The following MEF2C variants were observed in gnomAD, a reference collection of about 807,000 sequenced individuals.
MEF2C encodes myocyte enhancer factor 2C.
MEF2C carries 6 observed loss-of-function variants against 50.5 expected under a neutral mutation model. The ratio of observed to expected loss-of-function variants is 0.12; its 90% CI spans 0.07 to 0.23. The LOEUF (loss-of-function observed/expected upper bound fraction) is 0.23, where lower values mean the gene tolerates loss of function less well. MEF2C is among the 10% of genes least tolerant of loss of function. The pLI, the probability that MEF2C is intolerant of heterozygous loss-of-function variation, is 1.00. For missense variants in MEF2C, 276 were observed against 605.0 expected, an observed-to-expected ratio of 0.46 and a Z score of 5.70; for synonymous variants, 183 against 228.0, an observed-to-expected ratio of 0.80 and a Z score of 1.78.
rs1822718410 is a variant in MEF2C at position 88,854,889 on chromosome 5, A to G, written c.-143+28066T>C. 2.0e-5 allele frequency among the ~76,000 whole-genome samples: 3 copies of G among 152,198 alleles called. No homozygotes were observed. In the South Asian group the frequency reaches 6.2e-4, roughly 32 times the overall value. On this transcript the variant is annotated intron_variant, in intron 1 of 10. Transcript: ENST00000504921. ...GAAAAAAGGACTGCAATGAATCACA[A>G]CTACCTCAGTAGAGCCTTTAGGGTC...
intron 6 of MEF2C, chr5:88,740,451 T>A (rs911029339): frequency 1.0e-6 from 1 of 985,152 alleles, no homozygotes. Flanking sequence ...CTAACTGTCA[T>A]GCGGATTTAG....
chr5:88,879,050 T>C (rs1293183765), intron 1 of MEF2C, among the ~76,000 whole-genome samples: 1 of 152,064 alleles, frequency 6.6e-6, no homozygotes. Flanking sequence ...ACTAAAATTT[T>C]CTATCTTATT....
intron 8 of MEF2C, chr5:88,729,623 T>A (rs1247154369): frequency 2.6e-6 from 1 of 390,244 alleles, no homozygotes; most frequent in Non-Finnish European, 4.8e-6. Flanking sequence ...CAGACTATGT[T>A]GAAAACTGAT....
chr5:88,775,397 A>C (rs1338326359), intron 3 of MEF2C, among the ~76,000 whole-genome samples: 2 of 152,224 alleles, frequency 1.3e-5, no homozygotes, highest in African/African-American at 4.8e-5. Context: ...ATACAATCTG[A>C]AAATTCCTAA....
intron 2 of MEF2C, among the ~76,000 whole-genome samples, chr5:88,816,273 A>C (rs562304458): frequency 2.0e-5 from 3 of 152,112 alleles, no homozygotes; most frequent in African/African-American, 7.2e-5. Flanking sequence ...GAGTAGATCT[A>C]GCTGACATAA....
chr5:88,847,807 C>A (rs1324637616), intron 1 of MEF2C, among the ~76,000 whole-genome samples: 1 of 152,022 alleles, frequency 6.6e-6, no homozygotes, highest in African/African-American at 2.4e-5. Flanking sequence ...CATCAGACAC[C>A]AATCTATACC....
chr5:88,726,377 C>CT (rs1346445532), intron 10 of MEF2C, among the ~76,000 whole-genome samples: 1 of 152,094 alleles, frequency 6.6e-6, no homozygotes, highest in Non-Finnish European at 1.5e-5. Flanking sequence ...ATGTGAATTA[C>CT]TTTACATAAG....
At chr5:88,884,776 A>T (rs1453358093), upstream of MEF2C, among the ~76,000 whole-genome samples, 1 of 149,962 alleles carries the variant, frequency 6.7e-6, no homozygotes, top group Admixed American at 6.7e-5. Context: ...TTAAGGTTAA[A>T]GCATGATAAA....
intron 3 of MEF2C, among the ~76,000 whole-genome samples, chr5:88,766,239 G>C (rs1236306878): frequency 6.6e-6 from 1 of 152,030 alleles, no homozygotes; most frequent in African/African-American, 2.4e-5. Flanking sequence ...TTTCATTAGG[G>C]GAACAGATTC....
In MEF2C at chr5:88,747,320, TTTTTTTTTACTAC is replaced by T. The variant is rs1336894798; in HGVS notation, c.637+1737_637+1749del. ...AGGCCATGTTTTCCTCCACATTTTT[TTTTTTTTTACTAC>T]TTTTTTTTTTTTTTTTTTTTTTTTT... On this transcript the variant is annotated intron_variant, in intron 6 of 10. Transcript: ENST00000504921. Among the ~76,000 whole-genome samples the T allele has an allele frequency of 1.2e-4, 18 of 150,348 alleles. 4 individuals are homozygous for T. The highest frequency in any genetic ancestry group is 7.8e-4 in the East Asian group (4 of 5,098).
rs1431473850 is a variant in MEF2C, at chr5:88,782,548, TA to T, written c.259-21221del. 2.0e-5 allele frequency among the ~76,000 whole-genome samples: 3 copies of T among 152,332 alleles called. No homozygotes were observed. In the South Asian group the frequency reaches 6.2e-4, roughly 32 times the overall value. Reference sequence around the variant, plus strand: ...CTGAGGCCTCTATAATTTGCTTTTTTAATACACTGTATGTGATAAATAGTCC... The same window carrying T: ...CTGAGGCCTCTATAATTTGCTTTTTTATACACTGTATGTGATAAATAGTCC... On this transcript the variant is annotated intron_variant, in intron 3 of 10. Coordinates refer to ENST00000504921, the MANE Select transcript of MEF2C (RefSeq NM_002397.5).
At chr5:88,820,563 A>G (rs954516606) in intron 2 of MEF2C, among the ~76,000 whole-genome samples, 2 of 152,050 alleles carry the variant, frequency 1.3e-5, no homozygotes, top group African/African-American at 2.4e-5. Flanking sequence ...TGGAAAAAAC[A>G]TAACTTATTC....
chr5:88,831,733 G>A (rs1267032017), intron 1 of MEF2C, among the ~76,000 whole-genome samples: 1 of 151,904 alleles, frequency 6.6e-6, no homozygotes, highest in Admixed American at 6.6e-5. Flanking sequence ...TATTATATGT[G>A]GCTCAACATG....
intron 1 of MEF2C, among the ~76,000 whole-genome samples, chr5:88,850,515 C>T (rs1180884185): frequency 6.6e-6 from 1 of 152,024 alleles, no homozygotes; most frequent in African/African-American, 2.4e-5. Context: ...AAGAATGCAG[C>T]ATCTGAGTGG....
intron 3 of MEF2C, among the ~76,000 whole-genome samples, chr5:88,792,458 TAC>T (rs1282558358): frequency 6.6e-6 from 1 of 152,206 alleles, no homozygotes; most frequent in East Asian, 1.9e-4. Flanking sequence ...AATCACAAGG[TAC>T]ACAGTTACTC....
At chr5:88,841,717 C>T (rs1015666616) in intron 1 of MEF2C, among the ~76,000 whole-genome samples, 1 of 152,054 alleles carries the variant, frequency 6.6e-6, no homozygotes, top group Non-Finnish European at 1.5e-5. Flanking sequence ...AAAAATAAAG[C>T]AAAGAAGCAT....
At chr5:88,734,413 G>A in intron 6 of MEF2C, 1 of 985,304 alleles carries the variant, frequency 1.0e-6, no homozygotes, top group South Asian at 4.7e-5. Flanking sequence ...TAAAACCCCA[G>A]CTCGGTAGAT....
intron 1 of MEF2C, among the ~76,000 whole-genome samples, chr5:88,864,707 C>T (rs1826690154): frequency 6.6e-6 from 1 of 151,924 alleles, no homozygotes. Flanking sequence ...CCTCCAGCCT[C>T]AGTTTCCCAA....
At chr5:88,828,774 T>C (rs1035876398) in intron 1 of MEF2C, among the ~76,000 whole-genome samples, 1 of 152,042 alleles carries the variant, frequency 6.6e-6, no homozygotes, top group African/African-American at 2.4e-5. Flanking sequence ...GCAGAACTTT[T>C]ACTTTTTTTC....
Sources: gnomAD v4.1 joint callset for allele counts (sites outside exome capture counted in the v4.1 genomes callset) on GRCh38, gnomAD v4.1.1 for gene constraint, MANE v1.5 for transcripts, NCBI Gene and HGNC (gene_info 2026-07-23, HGNC 2026-07-21) for gene names.